FAM120B: variants seen among roughly 807,000 people sequenced by gnomAD.
FAM120B encodes family with sequence similarity 120 member B.
In FAM120B, 83 loss-of-function variants were observed where a neutral mutation model predicts 96.3. The observed-to-expected ratio is 0.86, with a 90% confidence interval of 0.72 to 1.03. The LOEUF (loss-of-function observed/expected upper bound fraction) is 1.03, where lower values mean the gene tolerates loss of function less well. FAM120B is among the 50% of genes least tolerant of loss of function. The pLI is 0.00. For synonymous variants in FAM120B, 407 were observed against 402.7 expected, an observed-to-expected ratio of 1.01 and a Z score of -0.13; for missense variants, 1,027 against 1,121.2, an observed-to-expected ratio of 0.92 and a Z score of 1.20.
At chr6:170,390,277 C>G (rs1298090665) in intron 7 of FAM120B, among the ~76,000 whole-genome samples, 1 of 152,282 alleles carries the variant, frequency 6.6e-6, no homozygotes, top group East Asian at 1.9e-4. Flanking sequence ...AACTTAGAAG[C>G]AGCCTGAATT....
chr6:170,378,602 G>A (rs565138351), intron 6 of FAM120B, among the ~76,000 whole-genome samples: 2 of 152,244 alleles, frequency 1.3e-5, no homozygotes, highest in Non-Finnish European at 2.9e-5. Context: ...GCCTAGAGGG[G>A]GAAGAGACAG....
chr6:170,345,600 A>G (rs1787128096), intron 4 of FAM120B, among the ~76,000 whole-genome samples: 1 of 152,254 alleles, frequency 6.6e-6, no homozygotes, highest in African/African-American at 2.4e-5. Flanking sequence ...GTGCATATGA[A>G]TGGAGCTTCA....
chr6:170,378,712 C>T (rs972857388), intron 6 of FAM120B, among the ~76,000 whole-genome samples: 5 of 152,200 alleles, frequency 3.3e-5, no homozygotes, highest in Non-Finnish European at 7.3e-5. Context: ...AAGGGGCAGC[C>T]AGTGCCCTAG....
intron 4 of FAM120B, among the ~76,000 whole-genome samples, chr6:170,332,162 T>G (rs374192641): frequency 2.6e-5 from 4 of 152,252 alleles, no homozygotes; most frequent in South Asian, 4.1e-4. Flanking sequence ...TTTCCACAGC[T>G]GTTACTCTAG....
At position 170,318,160 on chromosome 6, in the gene FAM120B, T is replaced by C; in HGVS notation, c.770T>C (p.Phe257Ser). ...LSSYTSVKENFDKKGNIILAV... is the reference protein window; with the variant it reads ...LSSYTSVKENSDKKGNIILAV... ...TCCTACACCTCTGTAAAAGAGAACT[T>C]TGACAAAAAAGGTAACATCATATTA... The change falls in exon 2 of 11, where the codon TTT (phenylalanine) becomes TCT (serine). Residue 257 changes from phenylalanine (F) to serine (S), a missense_variant. This residue lies in a region of FAM120B where 880 missense variants were observed against 980.9 expected (regional missense o/e 0.90). Coordinates refer to ENST00000476287, the MANE Select transcript of FAM120B (RefSeq NM_032448.3). 6.2e-7 allele frequency: 1 copy of C among 1,614,072 alleles called. No homozygotes were observed.
chr6:170,352,220 T>G (rs776642142), intron 5 of FAM120B, among the ~76,000 whole-genome samples: 1 of 152,198 alleles, frequency 6.6e-6, no homozygotes, highest in South Asian at 2.1e-4. Flanking sequence ...AGGATTCAAT[T>G]TAACAAGAAG....
intron 2 of FAM120B, among the ~76,000 whole-genome samples, chr6:170,322,096 A>C (rs1785329275): frequency 6.6e-6 from 1 of 151,872 alleles, no homozygotes; most frequent in African/African-American, 2.4e-5. Context: ...TCTGATTTTA[A>C]CTACTTACTT....
At chr6:170,322,853 G>T (rs771335585) in intron 2 of FAM120B, among the ~76,000 whole-genome samples, 1 of 152,008 alleles carries the variant, frequency 6.6e-6, no homozygotes, top group Non-Finnish European at 1.5e-5. Context: ...CAGAAGATAA[G>T]ACTGGTAGAC....
intron 5 of FAM120B, among the ~76,000 whole-genome samples, chr6:170,352,773 C>G (rs1373066563): frequency 1.3e-5 from 2 of 152,098 alleles, no homozygotes; most frequent in Non-Finnish European, 2.9e-5. Context: ...ATTTATAGCA[C>G]TAAATGCTGG....
intron 3 of FAM120B, among the ~76,000 whole-genome samples, chr6:170,327,432 CATT>C (rs1336285580): frequency 6.6e-6 from 1 of 152,142 alleles, no homozygotes; most frequent in Non-Finnish European, 1.5e-5. Context: ...AATATGAAAA[CATT>C]ATTAGTTTTC....
At chr6:170,395,617 A>G in intron 9 of FAM120B, 38 bp downstream of exon 9, 1 of 1,428,010 alleles carries the variant, frequency 7.0e-7, no homozygotes, top group East Asian at 2.4e-5. Flanking sequence ...GGCCACCTGC[A>G]TGGCACTGCC....
chr6:170,301,132 C>A (rs1784131921), intron 1 of FAM120B, among the ~76,000 whole-genome samples: 1 of 152,268 alleles, frequency 6.6e-6, no homozygotes, highest in Admixed American at 6.5e-5. Flanking sequence ...CTGCAGCAGA[C>A]CTCTGCCTGG....
chr6:170,362,484 C>A lies in FAM120B; in HGVS notation c.2283+4166C>A, dbSNP rs1788520430. On this transcript the variant is annotated intron_variant, in intron 6 of 10. Coordinates refer to ENST00000476287, the MANE Select transcript of FAM120B (RefSeq NM_032448.3). ...TGTTCTGTAAGAATCTGATACAGGC[C>A]CAGATCATTTTGTAAAGTCCTCTGT... is the stretch of plus-strand genomic sequence containing the variant. Among the ~76,000 whole-genome samples, 3 of 152,076 alleles carry A rather than the reference C, an allele frequency of 2.0e-5. No homozygotes were observed. The South Asian group carries it at 6.2e-4, about 32-fold the overall frequency.
At chr6:170,386,861 C>T (rs1229884336) in intron 6 of FAM120B, among the ~76,000 whole-genome samples, 3 of 152,172 alleles carry the variant, frequency 2.0e-5, no homozygotes, top group East Asian at 3.8e-4. Flanking sequence ...ACTAACAAAT[C>T]AAATCCAGCA....
At chr6:170,297,652 T>A (rs1333336713) in intron 1 of FAM120B, among the ~76,000 whole-genome samples, 1 of 149,576 alleles carries the variant, frequency 6.7e-6, no homozygotes, top group Non-Finnish European at 1.5e-5. Context: ...TTGCAACCTC[T>A]AATGTTGGTT....
intron 4 of FAM120B, 50 bp downstream of exon 4, chr6:170,330,600 T>C (rs1307572904): frequency 3.6e-6 from 5 of 1,391,324 alleles, no homozygotes; most frequent in Non-Finnish European, 3.1e-6. Context: ...CATTCTATGA[T>C]AAAAGTCTAA....
intron 6 of FAM120B, among the ~76,000 whole-genome samples, chr6:170,360,133 C>A (rs1452650957): frequency 1.3e-5 from 2 of 152,268 alleles, no homozygotes; most frequent in East Asian, 3.9e-4. Context: ...GTTCTCTGGT[C>A]CTAGGCCATG....
At chr6:170,394,148 A>G (rs539966787) in intron 8 of FAM120B, among the ~76,000 whole-genome samples, 1 of 152,312 alleles carries the variant, frequency 6.6e-6, no homozygotes, top group African/African-American at 2.4e-5. Context: ...TCACAAAGGG[A>G]TGACATCACG....
At chr6:170,325,680 A>C (rs950790451) in intron 3 of FAM120B, among the ~76,000 whole-genome samples, 1 of 152,098 alleles carries the variant, frequency 6.6e-6, no homozygotes, top group Admixed American at 6.6e-5. Flanking sequence ...GTCTCTACTA[A>C]AAATACAGAT....
Sources: gnomAD v4.1 joint callset for allele counts (sites outside exome capture counted in the v4.1 genomes callset) on GRCh38, gnomAD v4.1.1 for gene constraint, gnomAD v4.1.1 regional missense constraint, MANE v1.5 for transcripts, NCBI Gene and HGNC (gene_info 2026-07-23, HGNC 2026-07-21) for gene names.